Variants in CNPPD1 observed in about 807,000 individuals in gnomAD.
The protein encoded by CNPPD1 is cyclin Pas1/PHO80 domain containing 1.
CNPPD1 carries 40 observed loss-of-function variants against 43.7 expected under a neutral mutation model. That is an observed-to-expected ratio of 0.92 (90% CI 0.71 to 1.19). CNPPD1 has a LOEUF of 1.19. Among genes scored for constraint, CNPPD1 ranks in the 50% most tolerant of loss-of-function variants. The pLI, the probability that CNPPD1 is intolerant of heterozygous loss-of-function variation, is 0.00. For synonymous variants in CNPPD1, 208 were observed against 214.3 expected (o/e 0.97, Z 0.26); for missense variants, 511 against 518.5 (o/e 0.99, Z 0.14).
At position 219,173,016 on chromosome 2, in the gene CNPPD1, G is replaced by A. The variant is rs189123161; in HGVS notation, c.803C>T (p.Pro268Leu). Residue 268 changes from proline (P) to leucine (L), a missense_variant, in exon 8 of 8, where the codon CCT becomes CTT. Coordinates refer to ENST00000360507, the MANE Select transcript of CNPPD1 (RefSeq NM_015680.6). ...GLSCIPTPGP[P>L]DLGLTSRCLL... Reference sequence around the variant, plus strand: ...GCAACGGGAGGTCAGTCCAAGGTCAGGCGGCCCAGGTGTAGGGATGCAGGA... The same window carrying A: ...GCAACGGGAGGTCAGTCCAAGGTCAAGCGGCCCAGGTGTAGGGATGCAGGA... 9.3e-5 allele frequency: 150 copies of A among 1,613,656 alleles called. 1 individual carries two copies. In the East Asian group the frequency reaches 3.1e-3, roughly 34 times the overall value.
intron 5 of CNPPD1, 62 bp from the exon 6 acceptor site, chr2:219,174,269 A>G (rs1950123006): frequency 2.6e-6 from 4 of 1,539,764 alleles, no homozygotes; most frequent in Non-Finnish European, 3.6e-6. Flanking sequence ...TTTAATAATA[A>G]GAGCCATAGC....
chr2:219,177,135 G>A, upstream of CNPPD1: 1 of 311,242 alleles, frequency 3.2e-6, no homozygotes, highest in Non-Finnish European at 5.9e-6. Flanking sequence ...GCGGCTGCGA[G>A]GCGCGTACTC....
intron 3 of CNPPD1, 38 bp downstream of exon 3, chr2:219,175,553 C>A (rs1450436387): frequency 2.6e-6 from 4 of 1,531,598 alleles, no homozygotes; most frequent in Non-Finnish European, 3.6e-6. Flanking sequence ...TTCTCTAGGG[C>A]CCAAACACTC....
rs769184567 is a variant in CNPPD1, at chr2:219,176,758, AC to A, written c.69+1del. The A allele has an allele frequency of 7.0e-6, 11 of 1,572,666 alleles. No individual in the cohort carries two copies. The highest frequency in any genetic ancestry group is 9.5e-6 in the Non-Finnish European group (11 of 1,159,680). On this transcript the variant is annotated splice_donor_variant, in intron 1 of 7. Coordinates refer to ENST00000360507, the MANE Select transcript of CNPPD1 (RefSeq NM_015680.6). LOFTEE classifies it high-confidence loss of function. ...CGGGGAGGGGGCGGGACCCCCACTC[AC>A]CGTGAAGTCCTGGAAGCCGGCGAGG...
rs1285733084 is a variant in CNPPD1, at chr2:219,176,849, T to C, written c.-21A>G. Reference sequence around the variant, plus strand: ...TCCATCGCGCCGCCAGTCGCCGCCCTGCGAAGGTGAACGGAAGGAAACGAG... The same window carrying C: ...TCCATCGCGCCGCCAGTCGCCGCCCCGCGAAGGTGAACGGAAGGAAACGAG... On this transcript the variant is annotated 5_prime_UTR_variant, in exon 1 of 8. Transcript: ENST00000360507. 6.4e-7 allele frequency: 1 copy of C among 1,558,530 alleles called. No homozygotes were observed. The highest frequency in any genetic ancestry group is 1.4e-5 in the African/African-American group (1 of 73,462).
chr2:219,175,548 T>C, intron 3 of CNPPD1, 43 bp downstream of exon 3: 2 of 1,481,102 alleles, frequency 1.4e-6, no homozygotes, highest in South Asian at 2.3e-5. Context: ...CCCCTTTCTC[T>C]AGGGCCCAAA....
chr2:219,175,130 T>G (rs1950138385), intron 3 of CNPPD1, 22 bp from the exon 4 acceptor site: 1 of 1,561,914 alleles, frequency 6.4e-7, no homozygotes, highest in Admixed American at 1.9e-5. Context: ...AAAGGATCAC[T>G]AATTAAACCC....
chr2:219,172,701 A>T lies in CNPPD1; in HGVS notation c.1118T>A (p.Leu373Gln). 1 of 1,613,988 alleles carries T rather than the reference A, an allele frequency of 6.2e-7. No individual in the cohort carries two copies. Among genetic ancestry groups the T allele is most frequent in the Non-Finnish European group, 8.5e-7 (1 of 1,179,896 alleles). ...LSSPWYHTYGLAPPWPWSPVL... is the reference protein window; with the variant it reads ...LSSPWYHTYGQAPPWPWSPVL... ...CGGGCTCCAAGGCCAGGGGGGAGCC[A>T]GGCCATAGGTATGGTACCAGGGGCT... The change falls in exon 8 of 8, where the codon CTG (leucine) becomes CAG (glutamine). Residue 373 changes from leucine (L) to glutamine (Q), a missense_variant. Physicochemically the swap from Leu to Gln is moderately radical, Grantham distance 113. Coordinates refer to ENST00000360507, the MANE Select transcript of CNPPD1 (RefSeq NM_015680.6).
At position 219,174,824 on chromosome 2, in the gene CNPPD1, G is replaced by A. The variant is rs754531078; in HGVS notation, c.464C>T (p.Ala155Val). 1.2e-5 allele frequency: 20 copies of A among 1,613,462 alleles called. No individual in the cohort carries two copies. Among genetic ancestry groups the A allele is most frequent in the South Asian group, 3.3e-5 (3 of 91,024 alleles). ...CTCCAAGGCATTGAGAGTGGGCACG[G>A]CCACACCCCCAGCAGCTCCCCATTC... ...NDEWGAAGGV[A>V]VPTLNALERG... Residue 155 changes from alanine (A) to valine (V), a missense_variant, in exon 5 of 8, where the codon GCC (alanine) becomes GTC (valine). By Grantham distance (64) the Ala-to-Val change is moderately conservative. Coordinates refer to ENST00000360507, the MANE Select transcript of CNPPD1 (RefSeq NM_015680.6).
chr2:219,178,130 C>G (rs939865018), upstream of CNPPD1: 1 of 268,690 alleles, frequency 3.7e-6, no homozygotes, highest in African/African-American at 2.4e-5. Flanking sequence ...CCTGTGTAGG[C>G]GCAGTGTCAG....
At chr2:219,173,231 C>A (rs1042275368) in intron 7 of CNPPD1, 103 bp from the exon 8 acceptor site, 1 of 1,410,920 alleles carries the variant, frequency 7.1e-7, no homozygotes, top group Non-Finnish European at 9.8e-7. Flanking sequence ...GCCATTTACA[C>A]CCCACTCTGC....
chr2:219,174,787 C>G lies in CNPPD1; in HGVS notation c.501G>C (p.Leu167=). 3 of 1,601,606 alleles carry G rather than the reference C, an allele frequency of 1.9e-6. No individual in the cohort carries two copies. The highest frequency in any genetic ancestry group is 2.2e-5 in the South Asian group (2 of 89,854). ...PTLNALERGF[L]SAMDWHLYTD... is the part of the protein sequence containing the mutation. ...GAGAACAGCTGCTCACCATGGCACT[C>G]AGGAAGCCCCTCTCCAAGGCATTGA... The change falls in exon 5 of 8, where the codon CTG becomes CTC. Residue 167 remains leucine, a synonymous_variant. Coordinates refer to ENST00000360507, the MANE Select transcript of CNPPD1 (RefSeq NM_015680.6).
intron 2 of CNPPD1, 29 bp downstream of exon 2, chr2:219,176,194 A>C (rs1446744902): frequency 6.6e-7 from 1 of 1,506,008 alleles, no homozygotes. Context: ...CATGCTTCTC[A>C]CTTGTCCAGT....
In CNPPD1 at chr2:219,172,698, G is replaced by C; in HGVS notation, c.1121C>G (p.Ala374Gly). Reference protein sequence around the residue: ...SSPWYHTYGLAPPWPWSPVLL... With the variant: ...SSPWYHTYGLGPPWPWSPVLL... ...CACCGGGCTCCAAGGCCAGGGGGGAGCCAGGCCATAGGTATGGTACCAGGG... is the reference window on the plus strand; with the variant it reads ...CACCGGGCTCCAAGGCCAGGGGGGACCCAGGCCATAGGTATGGTACCAGGG... Residue 374 changes from alanine to glycine, a missense_variant, in exon 8 of 8, where the codon GCT (alanine) becomes GGT (glycine). By Grantham distance (60) the Ala-to-Gly change is moderately conservative. Coordinates refer to ENST00000360507, the MANE Select transcript of CNPPD1 (RefSeq NM_015680.6). The C allele has an allele frequency of 6.2e-7, 1 of 1,613,998 alleles. No homozygotes were observed. The highest frequency in any genetic ancestry group is 8.5e-7 in the Non-Finnish European group (1 of 1,179,918).
At chr2:219,177,042 G>C (rs1046040388), upstream of CNPPD1, 6 of 464,076 alleles carry the variant, frequency 1.3e-5, no homozygotes, top group African/African-American at 1.0e-4. Flanking sequence ...CCCGGGCTTG[G>C]CGCGGCGCGC....
Position 219,173,374 on chromosome 2 carries a change from G to GC in CNPPD1, c.665dup (p.Ser223LeufsTer47), listed in dbSNP as rs751374655. 1.3e-5 allele frequency: 21 copies of GC among 1,613,352 alleles called. No homozygotes were observed. The highest frequency in any genetic ancestry group is 1.8e-5 in the Non-Finnish European group (21 of 1,179,886). On this transcript the variant is annotated frameshift_variant, in exon 7 of 8. Coordinates refer to ENST00000360507, the MANE Select transcript of CNPPD1 (RefSeq NM_015680.6). LOFTEE classifies it high-confidence loss of function. ...CCTTTACCAGCCGCTGGCAGAGGGAGCCCAGGGCCAACTGCCAGGTCGGCT... is the reference window on the plus strand; with the variant it reads ...CCTTTACCAGCCGCTGGCAGAGGGAGCCCCAGGGCCAACTGCCAGGTCGGCT...
chr2:219,176,976 C>T, upstream of CNPPD1: 1 of 628,456 alleles, frequency 1.6e-6, no homozygotes, highest in Non-Finnish European at 2.7e-6. Flanking sequence ...CAGCTCCCTC[C>T]CCCCGGCGGC....
intron 2 of CNPPD1, 28 bp from the exon 3 acceptor site, chr2:219,175,700 G>T: frequency 6.2e-7 from 1 of 1,602,838 alleles, no homozygotes; most frequent in South Asian, 1.1e-5. Context: ...AAGGCCGAGT[G>T]AGCAAACAAG....
At position 219,172,827 on chromosome 2, in the gene CNPPD1, G is replaced by C; in HGVS notation, c.992C>G (p.Thr331Ser). Reference sequence around the variant, plus strand: ...GCAAAGGTGGCAGTTATGAAGAAGAGTGGGAGGGGCAGGGGGGTCTGGGGG... The same window carrying C: ...GCAAAGGTGGCAGTTATGAAGAAGACTGGGAGGGGCAGGGGGGTCTGGGGG... ...LPPPDPPAPP[T>S]LLHNCHLCQK... The change falls in exon 8 of 8, where the codon ACT becomes AGT. Residue 331 changes from threonine (T) to serine (S), a missense_variant. Thr to Ser is a moderately conservative substitution (Grantham distance 58, BLOSUM62 1). Transcript: ENST00000360507. 6.3e-7 allele frequency: 1 copy of C among 1,592,478 alleles called. No individual in the cohort carries two copies.
Sources: gnomAD v4.1 joint callset for allele counts on GRCh38, gnomAD v4.1.1 for gene constraint, MANE v1.5 for transcripts, NCBI Gene and HGNC (gene_info 2026-07-23, HGNC 2026-07-21) for gene names.